SYT3: variants seen among roughly 807,000 people sequenced by gnomAD.
The protein encoded by SYT3 is synaptotagmin 3.
In SYT3, 25 loss-of-function variants were observed where a neutral mutation model predicts 50.6. The ratio of observed to expected loss-of-function variants is 0.49; its 90% CI spans 0.36 to 0.69. The LOEUF (loss-of-function observed/expected upper bound fraction) is 0.69, where lower values mean the gene tolerates loss of function less well. SYT3 is among the 30% of genes least tolerant of loss of function. The probability of loss-of-function intolerance (pLI) is 0.00; values close to 1 mark genes in which losing one functional copy is unlikely to be tolerated. For synonymous variants in SYT3, 323 were observed against 353.9 expected, an observed-to-expected ratio of 0.91 and a Z score of 0.98; for missense variants, 589 against 793.6, an observed-to-expected ratio of 0.74 and a Z score of 3.10.
At chr19:50,640,964 A>G (rs1984657067), upstream of SYT3, among the ~76,000 whole-genome samples, 1 of 152,054 alleles carries the variant, frequency 6.6e-6, no homozygotes, top group Admixed American at 6.6e-5. Flanking sequence ...ACACCTGTAA[A>G]TCCCAACACT....
the SYT3 span, among the ~76,000 whole-genome samples, chr19:50,647,218 G>T: frequency 6.6e-6 from 1 of 152,146 alleles, no homozygotes; most frequent in African/African-American, 2.4e-5. Flanking sequence ...GGTGAGGTTA[G>T]ATCATGCAGC....
In SYT3 at chr19:50,629,269, A is replaced by T. The variant is rs1984188554; in HGVS notation, c.1281+25T>A. 5 of 1,552,200 alleles carry T rather than the reference A, an allele frequency of 3.2e-6. No homozygotes were observed. In the South Asian group the frequency reaches 3.6e-5, roughly 11 times the overall value. On this transcript the variant is annotated intron_variant, in intron 6 of 10. Transcript: ENST00000600079. Reference sequence around the variant, plus strand: ...GGGGTCTCAGGGCCCTGGGAAGGGGAAGGTCAGGGGAGAGGGCCACTGACC... The same window carrying T: ...GGGGTCTCAGGGCCCTGGGAAGGGGTAGGTCAGGGGAGAGGGCCACTGACC...
chr19:50,622,535 G>A (rs1983887854), intron 10 of SYT3, 54 bp from the exon 11 acceptor site: 7 of 639,298 alleles, frequency 1.1e-5, no homozygotes, highest in African/African-American at 3.7e-5. Flanking sequence ...ACTGCACCAC[G>A]ACCTCCTGTA....
At chr19:50,627,772 T>G in intron 6 of SYT3, among the ~76,000 whole-genome samples, 1 of 145,406 alleles carries the variant, frequency 6.9e-6, no homozygotes, top group African/African-American at 2.5e-5. Flanking sequence ...TATGAATCAA[T>G]GGAATGAGTG....
the SYT3 span, chr19:50,656,125 G>C: frequency 2.6e-6 from 4 of 1,536,012 alleles, no homozygotes; most frequent in African/African-American, 1.4e-5. Flanking sequence ...AAATCCTCGT[G>C]AGTTGTCCCT....
At chr19:50,645,858 C>A in the SYT3 span, among the ~76,000 whole-genome samples, 1 of 151,868 alleles carries the variant, frequency 6.6e-6, no homozygotes, top group Non-Finnish European at 1.5e-5. Flanking sequence ...CCAGCCTGGG[C>A]CCTTGTCTCA....
In SYT3 at chr19:50,625,042, G is replaced by T. The variant is rs944005891; in HGVS notation, c.1707+120C>A. On this transcript the variant is annotated intron_variant, in intron 9 of 10. Transcript: ENST00000600079. This position sits in a 1 kb window ranked among gnomAD's most constrained non-coding sequence, Gnocchi z 7.5. Reference sequence around the variant, plus strand: ...GCACAGCTAAAGTTGGCACAGCAGGGATTGAAACCTAGGACGCCTGGCTCT... The same window carrying T: ...GCACAGCTAAAGTTGGCACAGCAGGTATTGAAACCTAGGACGCCTGGCTCT... The T allele has an allele frequency of 4.4e-6, 5 of 1,135,738 alleles. No homozygotes were observed. The highest frequency in any genetic ancestry group is 5.8e-6 in the Non-Finnish European group (5 of 864,276). The allele number at this position is 1,135,738 out of a possible 1,614,324, so 70.4% of individuals were successfully genotyped here.
chr19:50,656,176 G>A, the SYT3 span: 1 of 1,536,102 alleles, frequency 6.5e-7, no homozygotes, highest in Non-Finnish European at 8.7e-7. Context: ...CAAATGTGAT[G>A]GCAGTGAACC....
chr19:50,656,215 T>C, the SYT3 span: 7 of 1,535,964 alleles, frequency 4.6e-6, no homozygotes, highest in Non-Finnish European at 6.1e-6. Flanking sequence ...GCCTGTTCGC[T>C]CTCTCCCTAG....
the SYT3 span, among the ~76,000 whole-genome samples, chr19:50,656,526 A>C: frequency 6.6e-6 from 1 of 152,146 alleles, no homozygotes; most frequent in Non-Finnish European, 1.5e-5. Context: ...CAGTCATGAA[A>C]TCTACTGCTC....
At chr19:50,653,738 ACACG>A in the SYT3 span, among the ~76,000 whole-genome samples, 1 of 114,514 alleles carries the variant, frequency 8.7e-6, no homozygotes, top group African/African-American at 3.3e-5. Flanking sequence ...ACACACACAC[ACACG>A]TTGTCTCAGT....
In SYT3 at chr19:50,622,282, C is replaced by G. The variant is rs896388280; in HGVS notation, c.*203G>C. Reference sequence around the variant, plus strand: ...GAAGAAAAGACAGACACAGTGGAGGCTGAATGACCCCCACCCTGAAAGAAG... The same window carrying G: ...GAAGAAAAGACAGACACAGTGGAGGGTGAATGACCCCCACCCTGAAAGAAG... On this transcript the variant is annotated 3_prime_UTR_variant, in exon 11 of 11. Coordinates refer to ENST00000600079, the MANE Select transcript of SYT3 (RefSeq NM_001160329.2). 1 of 176,704 alleles carries G rather than the reference C, an allele frequency of 5.7e-6. No homozygotes were observed. The highest frequency in any genetic ancestry group is 2.4e-5 in the African/African-American group (1 of 41,878). The allele number at this position is 176,704 out of a possible 1,614,324, so 10.9% of individuals were successfully genotyped here. A position where few individuals can be genotyped will look rare whatever the true frequency, so the allele number is the denominator to read the frequency against.
At chr19:50,653,196 C>A in the SYT3 span, among the ~76,000 whole-genome samples, 8 of 152,152 alleles carry the variant, frequency 5.3e-5, no homozygotes, top group Admixed American at 2.0e-4. Context: ...CGCTACCATG[C>A]CCGCCTAATT....
Position 50,632,345 on chromosome 19 carries a change from A to G in SYT3, c.615T>C (p.Gly205=). The G allele has an allele frequency of 6.2e-7, 1 of 1,606,868 alleles. No individual in the cohort carries two copies. Among genetic ancestry groups the G allele is most frequent in the South Asian group, 1.1e-5 (1 of 90,874 alleles). The change falls in exon 4 of 11, where the codon GGT becomes GGC. Residue 205 remains glycine, a synonymous_variant. Coordinates refer to ENST00000600079, the MANE Select transcript of SYT3 (RefSeq NM_001160329.2). The surrounding 1 kb of genome is among the most constrained non-coding windows in gnomAD (Gnocchi z 4.7). ...GSGLLLLPPS[G]GGLPSAQSHQ... Reference sequence around the variant, plus strand: ...GTGACTGGGCACTGGGCAAGCCCCCACCACTGGGGGGCAGCAGGAGCAACC... The same window carrying G: ...GTGACTGGGCACTGGGCAAGCCCCCGCCACTGGGGGGCAGCAGGAGCAACC...
chr19:50,625,423 C>T lies in SYT3; in HGVS notation c.1544G>A (p.Gly515Glu). 1 of 1,561,438 alleles carries T rather than the reference C, an allele frequency of 6.4e-7. No individual in the cohort carries two copies. Among genetic ancestry groups the T allele is most frequent in the Non-Finnish European group, 8.7e-7 (1 of 1,152,760 alleles). Residue 515 changes from glycine to glutamate, a missense_variant, in exon 8 of 11, where the codon GGG (glycine) becomes GAG (glutamate). This residue lies in a region of SYT3 where 273 missense variants were observed against 439.3 expected (regional missense o/e 0.62). Transcript: ENST00000600079. This position sits in a 1 kb window ranked among gnomAD's most constrained non-coding sequence, Gnocchi z 7.5. ...DVAPESVENV[G>E]LSIAVVDYDC... ...GTAGTCTACCACGGCGATGCTGAGC[C>T]CCACGTTCTCCACGCTCTCGGGGGC...
chr19:50,649,630 C>A, the SYT3 span: 1 of 1,110,990 alleles, frequency 9.0e-7, no homozygotes, highest in Non-Finnish European at 1.3e-6. Flanking sequence ...GAAAGCCATC[C>A]CTAGCATTCC....
chr19:50,653,734 ACACACACG>A, the SYT3 span, among the ~76,000 whole-genome samples: 1 of 116,818 alleles, frequency 8.6e-6, no homozygotes, highest in Non-Finnish European at 1.8e-5. Context: ...ACACACACAC[ACACACACG>A]TTGTCTCAGT....
chr19:50,629,348 C>T lies in SYT3; in HGVS notation c.1227G>A (p.Leu409=), dbSNP rs776028043. Reference sequence around the variant, plus strand: ...GCGGGCGGTCAGGGGGCTGCTCGGCCAGCTCCAGGAGGTTGTCCAGCACCA... The same window carrying T: ...GCGGGCGGTCAGGGGGCTGCTCGGCTAGCTCCAGGAGGTTGTCCAGCACCA... ...GQVVLDNLLE[L]AEQPPDRPLW... The change falls in exon 6 of 11, where the codon CTG becomes CTA. Residue 409 remains leucine, a synonymous_variant. Coordinates refer to ENST00000600079, the MANE Select transcript of SYT3 (RefSeq NM_001160329.2). The T allele has an allele frequency of 1.9e-6, 3 of 1,613,462 alleles. No homozygotes were observed. The highest frequency in any genetic ancestry group is 1.1e-5 in the South Asian group (1 of 90,974).
At chr19:50,655,939 C>T in the SYT3 span, 1 of 1,002,738 alleles carries the variant, frequency 1.0e-6, no homozygotes, top group Non-Finnish European at 1.5e-6. Flanking sequence ...CAACATCTGG[C>T]ATACAAGCTA....
Sources: allele counts gnomAD v4.1 joint callset (sites outside exome capture counted in the v4.1 genomes callset), GRCh38; gene constraint gnomAD v4.1.1; regional missense constraint gnomAD v4.1.1; non-coding constraint Gnocchi (gnomAD v3.1); transcripts MANE v1.5; gene names NCBI Gene and HGNC (gene_info 2026-07-23, HGNC 2026-07-21).